Variants in EPHB1 observed in about 807,000 individuals in gnomAD.
EPHB1 encodes the protein ephrin type-B receptor 1.
Under a neutral mutation model 94.4 loss-of-function variants are expected in EPHB1, and 30 were observed. The ratio of observed to expected loss-of-function variants is 0.32; its 90% CI spans 0.24 to 0.43. The LOEUF (loss-of-function observed/expected upper bound fraction) is 0.43. EPHB1 is among the 20% of genes least tolerant of loss of function. EPHB1 has a pLI of 1.00. For missense variants in EPHB1, 1,055 were observed against 1,308.3 expected (o/e 0.81, Z 2.99); for synonymous variants, 522 against 489.1 (o/e 1.07, Z -0.89).
rs1330551854 is a variant in EPHB1, at chr3:135,198,770, C to T, written c.2131-2704C>T. Among the ~76,000 whole-genome samples the T allele has an allele frequency of 4.6e-5, 7 of 152,256 alleles. No homozygotes were observed. The East Asian group carries it at 1.4e-3, about 29-fold the overall frequency. On this transcript the variant is annotated intron_variant, in intron 11 of 15. Transcript: ENST00000398015. ...GATACACAAGGCACTGAGCTAGGGC[C>T]TTTCATATGTGTTATCTCATTTAGT... is the stretch of plus-strand genomic sequence containing the variant.
At chr3:135,114,483 T>A (rs1315766579) in intron 4 of EPHB1, among the ~76,000 whole-genome samples, 1 of 129,118 alleles carries the variant, frequency 7.7e-6, no homozygotes, top group Non-Finnish European at 1.5e-5. Context: ...AGGCAAATCA[T>A]GAGGTCAGGA....
chr3:134,997,216 G>A (rs1935024057), intron 3 of EPHB1, among the ~76,000 whole-genome samples: 1 of 152,096 alleles, frequency 6.6e-6, no homozygotes, highest in South Asian at 2.1e-4. Context: ...CTTTGTTATT[G>A]TCTATGTTTC....
chr3:134,851,312 T>C (rs1230627053), intron 1 of EPHB1, among the ~76,000 whole-genome samples: 2 of 152,212 alleles, frequency 1.3e-5, no homozygotes, highest in Non-Finnish European at 2.9e-5. Flanking sequence ...TTTGGGGTCT[T>C]ACTGTCAAAT....
At chr3:134,882,772 T>TTCTTTCTTTCTTTCTTTC (rs2037772876) in intron 1 of EPHB1, among the ~76,000 whole-genome samples, 2 of 50,200 alleles carry the variant, frequency 4.0e-5, no homozygotes, top group African/African-American at 1.2e-4. Context: ...CTTCCTTTCT[T>TTCTTTCTTTCTTTCTTTC]TCTTTCTTTC....
intron 2 of EPHB1, among the ~76,000 whole-genome samples, chr3:134,932,837 A>G (rs1048498501): frequency 1.3e-5 from 2 of 152,174 alleles, no homozygotes; most frequent in Non-Finnish European, 2.9e-5. Context: ...TGGTTTTGTG[A>G]ATGGAATTTC....
intron 4 of EPHB1, among the ~76,000 whole-genome samples, chr3:135,132,502 A>G (rs1284524742): frequency 3.9e-5 from 6 of 152,190 alleles, no homozygotes; most frequent in Non-Finnish European, 8.8e-5. Context: ...AGCCTCAGTG[A>G]AGATGACTGA....
intron 3 of EPHB1, among the ~76,000 whole-genome samples, chr3:135,031,763 C>G (rs1387168398): frequency 1.3e-5 from 2 of 152,204 alleles, no homozygotes; most frequent in Admixed American, 6.5e-5. Flanking sequence ...ACTCCTTCCT[C>G]AAGTCCTCTC....
At position 135,100,477 on chromosome 3, in the gene EPHB1, A is replaced by C. The variant is rs934506680; in HGVS notation, c.806-5971A>C. 3.3e-5 allele frequency among the ~76,000 whole-genome samples: 5 copies of C among 152,136 alleles called. No individual in the cohort carries two copies. The East Asian group carries it at 7.7e-4, about 23-fold the overall frequency. Reference sequence around the variant, plus strand: ...CACTATCTCCTGAGGAAATTGCATAAAAGTGGTTATTCCCTCTTGCTTCTA... The same window carrying C: ...CACTATCTCCTGAGGAAATTGCATACAAGTGGTTATTCCCTCTTGCTTCTA... On this transcript the variant is annotated intron_variant, in intron 3 of 15. Coordinates refer to ENST00000398015, the MANE Select transcript of EPHB1 (RefSeq NM_004441.5).
At chr3:135,002,841 TTC>T (rs1222246756) in intron 3 of EPHB1, among the ~76,000 whole-genome samples, 3 of 151,870 alleles carry the variant, frequency 2.0e-5, no homozygotes, top group Non-Finnish European at 4.4e-5. Context: ...TATTTGATTC[TTC>T]TCTCTTTTTT....
chr3:135,085,002 G>A (rs560805165), intron 3 of EPHB1, among the ~76,000 whole-genome samples: 1 of 152,288 alleles, frequency 6.6e-6, no homozygotes, highest in South Asian at 2.1e-4. Context: ...AACAGAACTT[G>A]CCCGCAACCT....
At chr3:135,138,616 T>C (rs1484582971) in intron 5 of EPHB1, among the ~76,000 whole-genome samples, 1 of 152,200 alleles carries the variant, frequency 6.6e-6, no homozygotes, top group Non-Finnish European at 1.5e-5. Flanking sequence ...CTGTGCTTAT[T>C]GGAAATTAGC....
chr3:135,029,854 G>C (rs1936354790), intron 3 of EPHB1, among the ~76,000 whole-genome samples: 3 of 151,868 alleles, frequency 2.0e-5, no homozygotes, highest in Non-Finnish European at 4.4e-5. Context: ...ATCACTTTCA[G>C]GTATACCAAT....
chr3:135,097,075 C>T (rs1365836340), intron 3 of EPHB1, among the ~76,000 whole-genome samples: 1 of 136,822 alleles, frequency 7.3e-6, no homozygotes, highest in Non-Finnish European at 1.5e-5. Flanking sequence ...CAGCCTGGGC[C>T]ACAGAGCAAG....
At chr3:134,800,444 A>G (rs929241312) in intron 1 of EPHB1, among the ~76,000 whole-genome samples, 2 of 152,212 alleles carry the variant, frequency 1.3e-5, no homozygotes, top group Admixed American at 6.5e-5. Flanking sequence ...AAGCCCAAAG[A>G]GGGGAATACC....
intron 3 of EPHB1, among the ~76,000 whole-genome samples, chr3:135,047,459 C>A (rs577065701): frequency 6.6e-6 from 1 of 152,118 alleles, no homozygotes; most frequent in Non-Finnish European, 1.5e-5. Context: ...ATCTGCAGGT[C>A]TTCTTGTTAA....
At position 135,114,692 on chromosome 3, in the gene EPHB1, C is replaced by T. The variant is rs142561543; in HGVS notation, c.961+8089C>T. On this transcript the variant is annotated intron_variant, in intron 4 of 15. Transcript: ENST00000398015. ...GAGCCAAGATCGTGTCACTGCACTC[C>T]AGCCTGGATGATAGAGCAAGACTCT... is the stretch of plus-strand genomic sequence containing the variant. 2.0e-3 allele frequency among the ~76,000 whole-genome samples: 295 copies of T among 149,962 alleles called. 7 individuals are homozygous for T. In the East Asian group the frequency reaches 0.051, roughly 26 times the overall value.
At chr3:135,034,745 C>T (rs965516880) in intron 3 of EPHB1, among the ~76,000 whole-genome samples, 3 of 152,234 alleles carry the variant, frequency 2.0e-5, no homozygotes, top group African/African-American at 7.2e-5. Flanking sequence ...CTAAGGTCCC[C>T]AGCTGGAGGC....
intron 10 of EPHB1, among the ~76,000 whole-genome samples, chr3:135,187,668 T>C (rs1180806971): frequency 6.6e-6 from 1 of 152,134 alleles, no homozygotes; most frequent in Admixed American, 6.5e-5. Context: ...GGTTGTGGTG[T>C]GCTCAAGGGC....
intron 3 of EPHB1, among the ~76,000 whole-genome samples, chr3:135,096,219 A>G (rs993520891): frequency 6.6e-6 from 1 of 152,204 alleles, no homozygotes; most frequent in East Asian, 1.9e-4. Context: ...GATCTTCACA[A>G]TAGCTATGGG....
Sources: gnomAD v4.1 joint callset for allele counts (sites outside exome capture counted in the v4.1 genomes callset) on GRCh38, gnomAD v4.1.1 for gene constraint, MANE v1.5 for transcripts, NCBI Gene and HGNC (gene_info 2026-07-23, HGNC 2026-07-21) for gene names.